Variants in ATG16L2 observed in about 807,000 individuals in gnomAD.
The protein encoded by ATG16L2 is autophagy related 16 like 2.
In ATG16L2, 77 loss-of-function variants were observed where a neutral mutation model predicts 84.7. The observed-to-expected ratio is 0.91, with a 90% CI of 0.76 to 1.10. The LOEUF (loss-of-function observed/expected upper bound fraction) is 1.10, where lower values mean the gene tolerates loss of function less well. Among genes scored for constraint, ATG16L2 ranks in the 50% least tolerant of loss-of-function variants. The pLI, the probability that ATG16L2 is intolerant of heterozygous loss-of-function variation, is 0.00. For missense variants in ATG16L2, 782 were observed against 817.6 expected (o/e 0.96, Z 0.53); for synonymous variants, 361 against 342.8 (o/e 1.05, Z -0.59).
At position 72,822,506 on chromosome 11, in the gene ATG16L2, C is replaced by G. The variant is rs1484941424; in HGVS notation, c.673C>G (p.Leu225Val). ...RAKQARVSQE[L>V]KKAAKRTVSI... ...CAAGCAGGCGCGGGTGTCCCAGGAG[C>G]TGAAGAAGGCTGCCAAGCGGACCGT... is the stretch of plus-strand genomic sequence containing the variant. The change falls in exon 6 of 18, where the codon CTG (leucine) becomes GTG (valine). Residue 225 changes from leucine to valine, a missense_variant. By Grantham distance (32) the Leu-to-Val change is conservative. Coordinates refer to ENST00000321297, the MANE Select transcript of ATG16L2 (RefSeq NM_033388.2). The surrounding 1 kb of genome is among the most constrained non-coding windows in gnomAD (Gnocchi z 4.2). 8 of 1,612,978 alleles carry G rather than the reference C, an allele frequency of 5.0e-6. 1 individual carries two copies. Among genetic ancestry groups the G allele is most frequent in the African/African-American group, 1.3e-5 (1 of 74,860 alleles).
rs1419727644 is a variant in ATG16L2 at position 72,816,786 on chromosome 11, G to A, written c.177G>A (p.Pro59=). The A allele has an allele frequency of 5.0e-6, 8 of 1,614,246 alleles. No homozygotes were observed. Among genetic ancestry groups the A allele is most frequent in the East Asian group, 2.2e-5 (1 of 44,884 alleles). The part of the protein sequence containing the change: ...LLDKFSKKLQ[P]EPNSVTPTTH... ...ACAAGTTCTCAAAGAAGCTGCAGCCGGAGCCAAACAGTGTCACTCCCACCA... is the reference window on the plus strand; with the variant it reads ...ACAAGTTCTCAAAGAAGCTGCAGCCAGAGCCAAACAGTGTCACTCCCACCA... The change falls in exon 2 of 18, where the codon CCG becomes CCA. Residue 59 remains proline, a synonymous_variant. Coordinates refer to ENST00000321297, the MANE Select transcript of ATG16L2 (RefSeq NM_033388.2).
At chr11:72,824,893 G>T in intron 9 of ATG16L2, 51 bp downstream of exon 9, 1 of 1,469,190 alleles carries the variant, frequency 6.8e-7, no homozygotes, top group Non-Finnish European at 9.2e-7. Context: ...GAGAGTGCAG[G>T]CACAGGGGTG....
Position 72,814,545 on chromosome 11 carries a change from C to G in ATG16L2, c.100C>G (p.Leu34Val). ...LRDRTQKALF[L>V]ELVPAYNHLL... is the part of the protein sequence containing the mutation. ...GGACCGTACGCAAAAGGCGCTTTTCCTGGAGCTGGTGCCGGCCTGTGAGTG... is the reference window on the plus strand; with the variant it reads ...GGACCGTACGCAAAAGGCGCTTTTCGTGGAGCTGGTGCCGGCCTGTGAGTG... The change falls in exon 1 of 18, where the codon CTG becomes GTG. Residue 34 changes from leucine to valine, a missense_variant. Transcript: ENST00000321297. 6.3e-7 allele frequency: 1 copy of G among 1,576,680 alleles called. No homozygotes were observed. The highest frequency in any genetic ancestry group is 8.6e-7 in the Non-Finnish European group (1 of 1,160,236).
chr11:72,840,849 C>T (rs768476009), intron 5 of ATG16L2: 10 of 1,522,080 alleles, frequency 6.6e-6, no homozygotes, highest in Admixed American at 3.3e-5. Context: ...ACTATGCATT[C>T]GATAATCCTG....
In ATG16L2 at chr11:72,828,991, A is replaced by G. The variant is rs1437715106; in HGVS notation, c.1772+7A>G. On this transcript the variant is annotated splice_region_variant and intron_variant, in intron 17 of 17. Transcript: ENST00000321297. ...GACTACAGGGACCCCATTGGTGAGC[A>G]TGGCCTCCACCTGGCCACCTGCCTG... 5 of 1,613,680 alleles carry G rather than the reference A, an allele frequency of 3.1e-6. No homozygotes were observed. Among genetic ancestry groups the G allele is most frequent in the Non-Finnish European group, 4.2e-6 (5 of 1,179,688 alleles).
chr11:72,821,501 A>C, intron 3 of ATG16L2, 167 bp from the exon 4 acceptor site: 1 of 1,420,078 alleles, frequency 7.0e-7, no homozygotes, highest in South Asian at 1.5e-5. Context: ...TGCTCCACAA[A>C]CAGCAGCGCG....
chr11:72,814,685 T>A, intron 1 of ATG16L2, 122 bp downstream of exon 1: 1 of 717,438 alleles, frequency 1.4e-6, no homozygotes, highest in Non-Finnish European at 2.1e-6. Context: ...GCCTTGAGCC[T>A]GTGCGTTACG....
chr11:72,816,424 C>A (rs1331879628), intron 1 of ATG16L2: 5 of 312,868 alleles, frequency 1.6e-5, no homozygotes. Flanking sequence ...ATCCCAGGCC[C>A]CTTCCTTCCC....
At chr11:72,838,835 T>A (rs1860812819) in intron 5 of ATG16L2, 2 of 1,608,382 alleles carry the variant, frequency 1.2e-6, no homozygotes, top group Non-Finnish European at 1.7e-6. Context: ...TCTGCTGGCC[T>A]TCGGTGATTC....
At chr11:72,824,949 G>A (rs1860255243) in intron 9 of ATG16L2, 107 bp downstream of exon 9, 1 of 914,360 alleles carries the variant, frequency 1.1e-6, no homozygotes. Context: ...AAGCAAGGCT[G>A]GGCTCCTCAG....
At chr11:72,833,584 G>T (rs979002905), downstream of ATG16L2, among the ~76,000 whole-genome samples, 1 of 152,178 alleles carries the variant, frequency 6.6e-6, no homozygotes, top group Admixed American at 6.5e-5. Flanking sequence ...AGGGCTGTGA[G>T]CCCTGTCCCT....
chr11:72,822,427 C>T lies in ATG16L2; in HGVS notation c.645-51C>T, dbSNP rs772692861. 4 of 1,611,170 alleles carry T rather than the reference C, an allele frequency of 2.5e-6. No individual in the cohort carries two copies. Among genetic ancestry groups the T allele is most frequent in the Non-Finnish European group, 3.4e-6 (4 of 1,178,544 alleles). Reference sequence around the variant, plus strand: ...AGGAAGGGACCGGGTCTAGCCCCGCCTGCGTGCGAGGCGCCGCGCCAGGGT... The same window carrying T: ...AGGAAGGGACCGGGTCTAGCCCCGCTTGCGTGCGAGGCGCCGCGCCAGGGT... On this transcript the variant is annotated intron_variant, in intron 5 of 17. Transcript: ENST00000321297. This position sits in a 1 kb window ranked among gnomAD's most constrained non-coding sequence, Gnocchi z 4.2.
intron 5 of ATG16L2, chr11:72,838,448 G>A (rs1432117068): frequency 3.0e-6 from 1 of 332,098 alleles, no homozygotes; most frequent in Non-Finnish European, 5.8e-6. Flanking sequence ...GAGTGCACAT[G>A]ATCAGTAATT....
At chr11:72,815,007 C>A (rs1272278182) in intron 1 of ATG16L2, among the ~76,000 whole-genome samples, 1 of 152,262 alleles carries the variant, frequency 6.6e-6, no homozygotes, top group Non-Finnish European at 1.5e-5. Flanking sequence ...CTCGGAACCT[C>A]TAAGGAGGAG....
chr11:72,825,140 G>A (rs2135111407), intron 9 of ATG16L2, among the ~76,000 whole-genome samples, 162 bp from the exon 10 acceptor site: 1 of 152,276 alleles, frequency 6.6e-6, no homozygotes, highest in South Asian at 2.1e-4. Flanking sequence ...AACACCTGGT[G>A]GGGCCGGGTT....
intron 5 of ATG16L2, chr11:72,840,802 C>A: frequency 8.9e-7 from 1 of 1,119,240 alleles, no homozygotes; most frequent in Non-Finnish European, 1.3e-6. Flanking sequence ...ACAGGGGCCA[C>A]GGGGAAACAT....
intron 3 of ATG16L2, among the ~76,000 whole-genome samples, chr11:72,819,930 A>G (rs929314253): frequency 1.3e-5 from 2 of 151,982 alleles, no homozygotes; most frequent in African/African-American, 4.8e-5. Flanking sequence ...TATTTTTAGT[A>G]GAGATGGGGT....
At chr11:72,840,793 C>T in intron 5 of ATG16L2, 3 of 1,010,706 alleles carry the variant, frequency 3.0e-6, no homozygotes, top group South Asian at 2.7e-5. Context: ...AGTAACAACA[C>T]AGGGGCCACG....
In ATG16L2 at chr11:72,822,641, C is replaced by G. The variant is rs1336928419; in HGVS notation, c.710+98C>G. On this transcript the variant is annotated intron_variant, in intron 6 of 17. Transcript: ENST00000321297. The surrounding 1 kb of genome is among the most constrained non-coding windows in gnomAD (Gnocchi z 4.2). ...TGCCGACTGTACTTGTGCACAGCCC[C>G]GTCCTGAGGCCCCCATGTGGTCGGA... The G allele has an allele frequency of 3.4e-6, 5 of 1,473,568 alleles. No individual in the cohort carries two copies. The highest frequency in any genetic ancestry group is 2.3e-5 in the Admixed American group (1 of 42,868). The allele number at this position is 1,473,568 out of a possible 1,614,324, so 91.3% of individuals were successfully genotyped here.
Sources: gnomAD v4.1 joint callset for allele counts (sites outside exome capture counted in the v4.1 genomes callset) on GRCh38, gnomAD v4.1.1 for gene constraint, Gnocchi (gnomAD v3.1) non-coding constraint, MANE v1.5 for transcripts, NCBI Gene and HGNC (gene_info 2026-07-23, HGNC 2026-07-21) for gene names.